The following IGF1R variants were observed in gnomAD, a reference collection of about 807,000 sequenced individuals.
IGF1R encodes the protein insulin like growth factor 1 receptor, also known as insulin-like growth factor 1 receptor.
A neutral mutation model predicts 144.6 loss-of-function variants in IGF1R; 44 were observed. The observed-to-expected ratio is 0.30, with a 90% CI of 0.24 to 0.39. The LOEUF (loss-of-function observed/expected upper bound fraction) is 0.39. IGF1R is among the 10% of genes least tolerant of loss of function. The pLI, the probability that IGF1R is intolerant of heterozygous loss-of-function variation, is 1.00. For missense variants in IGF1R, 1,355 were observed against 1,833.7 expected (o/e 0.74, Z 4.77); for synonymous variants, 795 against 722.8 (o/e 1.10, Z -1.60).
In IGF1R at chr15:98,962,899, C is replaced by T. The variant is rs1424136369; in HGVS notation, c.*5457C>T. ...CACTCGTCAGTTGTCAGTTCTGGGGCATGACTTTAGCGTTTTGTTTCTGCG... is the reference window on the plus strand; with the variant it reads ...CACTCGTCAGTTGTCAGTTCTGGGGTATGACTTTAGCGTTTTGTTTCTGCG... On this transcript the variant is annotated 3_prime_UTR_variant, in exon 21 of 21. Transcript: ENST00000650285. The T allele has an allele frequency of 4.3e-6, 1 of 233,554 alleles. No individual in the cohort carries two copies. Among genetic ancestry groups the T allele is most frequent in the African/African-American group, 2.2e-5 (1 of 45,338 alleles). 14.5% of individuals were successfully genotyped at this position (233,554 alleles called of 1,614,324 possible).
chr15:98,834,709 A>T (rs901048409), intron 2 of IGF1R, among the ~76,000 whole-genome samples: 5 of 152,148 alleles, frequency 3.3e-5, no homozygotes, highest in African/African-American at 9.7e-5. Flanking sequence ...GTGGTCCTGG[A>T]TGGTTCAGTA....
At chr15:98,749,156 T>A (rs1336815972) in intron 2 of IGF1R, among the ~76,000 whole-genome samples, 1 of 104,174 alleles carries the variant, frequency 9.6e-6, no homozygotes, top group Admixed American at 1.1e-4. Flanking sequence ...TGCAGTAGAA[T>A]TTAATAAATC....
chr15:98,700,425 G>A (rs1413261019), intron 1 of IGF1R, among the ~76,000 whole-genome samples: 2 of 152,152 alleles, frequency 1.3e-5, no homozygotes, highest in Admixed American at 6.5e-5. Flanking sequence ...GTGGTGTGGT[G>A]GGTTATTCAG....
In IGF1R at chr15:98,929,506, G is replaced by A. The variant is rs184302689; in HGVS notation, c.2783-52G>A. The A allele has an allele frequency of 3.0e-3, 4,145 of 1,390,212 alleles. 15 individuals are homozygous for A. The highest frequency in any genetic ancestry group is 3.7e-3 in the Non-Finnish European group (3,596 of 976,086). 86.1% of individuals were successfully genotyped at this position (1,390,212 alleles called of 1,614,324 possible). A position where few individuals can be genotyped will look rare whatever the true frequency, so the allele number is the denominator to read the frequency against. On this transcript the variant is annotated intron_variant, in intron 13 of 20. Transcript: ENST00000650285. ...CCAACTGAATGTGAAGAAATGAAAT[G>A]AGCAAATTGTTCACCTGGTGATATT... is the stretch of plus-strand genomic sequence containing the variant.
intron 1 of IGF1R, among the ~76,000 whole-genome samples, chr15:98,701,903 A>G (rs1183115635): frequency 6.6e-6 from 1 of 152,158 alleles, no homozygotes; most frequent in Non-Finnish European, 1.5e-5. Context: ...CCTGATTCTT[A>G]TGCCAGCTTC....
intron 5 of IGF1R, among the ~76,000 whole-genome samples, chr15:98,903,354 T>G (rs2014576223): frequency 6.6e-6 from 1 of 152,218 alleles, no homozygotes; most frequent in Non-Finnish European, 1.5e-5. Flanking sequence ...TTAAAAGAAT[T>G]GAAATTCGCG....
At chr15:98,856,743 T>A (rs1441024258) in intron 2 of IGF1R, among the ~76,000 whole-genome samples, 1 of 152,220 alleles carries the variant, frequency 6.6e-6, no homozygotes, top group African/African-American at 2.4e-5. Flanking sequence ...CCACAAAAAT[T>A]TAAGCATCTG....
chr15:98,916,985 A>G (rs1312741590), intron 10 of IGF1R, 109 bp downstream of exon 10: 1 of 904,896 alleles, frequency 1.1e-6, no homozygotes, highest in Non-Finnish European at 1.8e-6. Context: ...GGGGTACAAT[A>G]CAGTAGCCAC....
At chr15:98,923,650 G>A in intron 11 of IGF1R, 2 of 554,856 alleles carry the variant, frequency 3.6e-6, no homozygotes, top group South Asian at 4.2e-5. Context: ...TTTTGTGGTT[G>A]GTGTATTCTG....
chr15:98,932,438 C>T (rs890970506), intron 15 of IGF1R, among the ~76,000 whole-genome samples: 4 of 152,118 alleles, frequency 2.6e-5, no homozygotes, highest in Admixed American at 6.5e-5. Flanking sequence ...GCACAGAAAC[C>T]GCTCCTGGCT....
chr15:98,751,147 C>A (rs1378066050), intron 2 of IGF1R, among the ~76,000 whole-genome samples: 1 of 152,162 alleles, frequency 6.6e-6, no homozygotes, highest in African/African-American at 2.4e-5. Flanking sequence ...CTGATCGTTA[C>A]ATGTTTATTT....
rs150777720 is a variant in IGF1R at position 98,904,273 on chromosome 15, C to T, written c.1248-4412C>T. ...TTCACCATGTTAGCCAGTATGGTCTCGATCATCTGACCTCGTGATCTGCCT... is the reference window on the plus strand; with the variant it reads ...TTCACCATGTTAGCCAGTATGGTCTTGATCATCTGACCTCGTGATCTGCCT... On this transcript the variant is annotated intron_variant, in intron 5 of 20. Coordinates refer to ENST00000650285, the MANE Select transcript of IGF1R (RefSeq NM_000875.5). Among the ~76,000 whole-genome samples, 1,425 of 152,082 alleles carry T rather than the reference C, an allele frequency of 9.4e-3. 18 individuals are homozygous for T. Among genetic ancestry groups the T allele is most frequent in the African/African-American group, 0.032 (1,310 of 41,484 alleles).
intron 20 of IGF1R, among the ~76,000 whole-genome samples, chr15:98,956,695 A>G (rs2016999341): frequency 6.6e-6 from 1 of 152,264 alleles, no homozygotes; most frequent in Admixed American, 6.5e-5. Flanking sequence ...CAGTGCCTGC[A>G]TGAGACGCCT....
In IGF1R at chr15:98,960,076, T is replaced by A. The variant is rs1397212842; in HGVS notation, c.*2634T>A. ...AAACATTTATCTACCTCACTCTTAT[T>A]TTTTATATGTGTATATAGACAAAAG... On this transcript the variant is annotated 3_prime_UTR_variant, in exon 21 of 21. Transcript: ENST00000650285. The A allele has an allele frequency of 4.3e-6, 1 of 233,502 alleles. No individual in the cohort carries two copies. Among genetic ancestry groups the A allele is most frequent in the Non-Finnish European group, 8.5e-6 (1 of 118,058 alleles). 14.5% of individuals were successfully genotyped at this position (233,502 alleles called of 1,614,324 possible). A position where few individuals can be genotyped will look rare whatever the true frequency, so the allele number is the denominator to read the frequency against.
chr15:98,935,823 T>C lies in IGF1R; in HGVS notation c.3297+397T>C, dbSNP rs569433542. On this transcript the variant is annotated intron_variant, in intron 17 of 20. Coordinates refer to ENST00000650285, the MANE Select transcript of IGF1R (RefSeq NM_000875.5). This position sits in a 1 kb window ranked among gnomAD's most constrained non-coding sequence, Gnocchi z 4.2. The stretch of plus-strand genomic sequence containing the variant: ...TCGATGCGCTTGACTCACATCCTCG[T>C]ATGTGTTCTCTCTCGTTATGTTGTG... Among the ~76,000 whole-genome samples the C allele has an allele frequency of 6.6e-6, 1 of 152,282 alleles. No homozygotes were observed. Among genetic ancestry groups the C allele is most frequent in the East Asian group, 1.9e-4 (1 of 5,186 alleles).
At chr15:98,884,557 G>A (rs2013542743) in intron 2 of IGF1R, among the ~76,000 whole-genome samples, 1 of 151,992 alleles carries the variant, frequency 6.6e-6, no homozygotes, top group Admixed American at 6.6e-5. Context: ...AGCTGGGCAT[G>A]GTGGCGGGCG....
chr15:98,756,458 C>T (rs1371100496), intron 2 of IGF1R, among the ~76,000 whole-genome samples: 2 of 151,696 alleles, frequency 1.3e-5, no homozygotes, highest in African/African-American at 4.8e-5. Context: ...GTTTATCGCA[C>T]AGTTATTTGT....
chr15:98,824,665 T>A (rs1273165988), intron 2 of IGF1R, among the ~76,000 whole-genome samples: 1 of 152,210 alleles, frequency 6.6e-6, no homozygotes, highest in Non-Finnish European at 1.5e-5. Context: ...CTGCTGTTAC[T>A]CATGTGTTCT....
At chr15:98,858,522 C>G (rs2011960879) in intron 2 of IGF1R, among the ~76,000 whole-genome samples, 2 of 152,212 alleles carry the variant, frequency 1.3e-5, no homozygotes, top group South Asian at 4.1e-4. Context: ...CTCCCTCTCC[C>G]CTCTTGAAAT....
Sources: gnomAD v4.1 joint callset for allele counts (sites outside exome capture counted in the v4.1 genomes callset) on GRCh38, gnomAD v4.1.1 for gene constraint, Gnocchi (gnomAD v3.1) non-coding constraint, MANE v1.5 for transcripts, NCBI Gene and HGNC (gene_info 2026-07-23, HGNC 2026-07-21) for gene names.